Variants in SLC24A4 observed in about 807,000 individuals in gnomAD.
The protein encoded by SLC24A4 is solute carrier family 24 member 4.
Under a neutral mutation model 79.0 loss-of-function variants are expected in SLC24A4, and 53 were observed. The observed-to-expected ratio is 0.67, with a 90% CI of 0.54 to 0.84. The LOEUF (loss-of-function observed/expected upper bound fraction) is 0.84, where lower values mean the gene tolerates loss of function less well. Among genes scored for constraint, SLC24A4 ranks in the 40% least tolerant of loss-of-function variants. The pLI, the probability that SLC24A4 is intolerant of heterozygous loss-of-function variation, is 0.00. For synonymous variants in SLC24A4, 323 were observed against 323.8 expected (o/e 1.00, Z 0.03); for missense variants, 731 against 822.0 (o/e 0.89, Z 1.35).
At chr14:92,430,694 G>A (rs1891818003) in intron 2 of SLC24A4, among the ~76,000 whole-genome samples, 1 of 152,172 alleles carries the variant, frequency 6.6e-6, no homozygotes, top group Admixed American at 6.5e-5. Context: ...GGAGCAGCTG[G>A]CTTCCCTCCT....
At chr14:92,443,655 C>G (rs971732849) in intron 7 of SLC24A4, among the ~76,000 whole-genome samples, 181 bp downstream of exon 7, 2 of 152,204 alleles carry the variant, frequency 1.3e-5, no homozygotes, top group African/African-American at 4.8e-5. Context: ...CACTGTGCCT[C>G]CCTTTCCCCA....
At chr14:92,431,875 C>T (rs1346510371) in intron 2 of SLC24A4, among the ~76,000 whole-genome samples, 1 of 152,202 alleles carries the variant, frequency 6.6e-6, no homozygotes, top group Non-Finnish European at 1.5e-5. Context: ...GCGTGATTTC[C>T]ACTTGGCCAG....
chr14:92,425,772 G>T (rs1891529210), intron 2 of SLC24A4, among the ~76,000 whole-genome samples: 1 of 152,118 alleles, frequency 6.6e-6, no homozygotes, highest in Non-Finnish European at 1.5e-5. Context: ...TTGAGCCCAG[G>T]AGTTCAAGAC....
intron 2 of SLC24A4, among the ~76,000 whole-genome samples, chr14:92,347,772 C>G (rs745586404): frequency 6.6e-6 from 1 of 152,006 alleles, no homozygotes; most frequent in Non-Finnish European, 1.5e-5. Flanking sequence ...CCTAAAAATA[C>G]AAAAATTAGC....
intron 2 of SLC24A4, among the ~76,000 whole-genome samples, chr14:92,365,358 G>T (rs1887769693): frequency 6.6e-6 from 1 of 152,246 alleles, no homozygotes; most frequent in African/African-American, 2.4e-5. Context: ...CCATGGTCCT[G>T]GTCCTTGTTT....
At chr14:92,402,899 C>A (rs1566742045) in intron 2 of SLC24A4, among the ~76,000 whole-genome samples, 1 of 152,126 alleles carries the variant, frequency 6.6e-6, no homozygotes, top group East Asian at 1.9e-4. Flanking sequence ...TATCACATCC[C>A]AACAGAAGCA....
At chr14:92,411,750 A>ACG (rs1566747845) in intron 2 of SLC24A4, among the ~76,000 whole-genome samples, 173 of 152,132 alleles carry the variant, frequency 1.1e-3, no homozygotes, top group African/African-American at 3.9e-3. Context: ...GATTGAGCAC[A>ACG]TACTCTATAT....
chr14:92,384,039 G>A (rs970016364), intron 2 of SLC24A4, among the ~76,000 whole-genome samples: 6 of 152,156 alleles, frequency 3.9e-5, no homozygotes, highest in African/African-American at 1.2e-4. Flanking sequence ...GATATGAACC[G>A]AGTAAACACT....
At chr14:92,387,029 C>T (rs535678401) in intron 2 of SLC24A4, among the ~76,000 whole-genome samples, 10 of 151,654 alleles carry the variant, frequency 6.6e-5, no homozygotes, top group South Asian at 2.1e-4. Flanking sequence ...CCCTGGCTTC[C>T]GTGAGAATCT....
rs113569172 is a variant in SLC24A4 at position 92,418,598 on chromosome 14, G to A, written c.242-15314G>A. On this transcript the variant is annotated intron_variant, in intron 2 of 16. Transcript: ENST00000532405. ...ATCTGTATGCCAGGCCAGCAGATTC[G>A]AAACTCCCAGGCAAGAGCTAATGCT... Among the ~76,000 whole-genome samples the A allele has an allele frequency of 2.8e-3, 424 of 152,304 alleles. 7 individuals carry two copies. The East Asian group carries it at 0.034, about 12-fold the overall frequency.
chr14:92,360,536 T>C lies in SLC24A4; in HGVS notation c.241+34558T>C, dbSNP rs140752586. Reference sequence around the variant, plus strand: ...TTTGCAGTTAGATATTTGGTTTATGTCCTCTCTGGGGCTGATACCAATAAT... The same window carrying C: ...TTTGCAGTTAGATATTTGGTTTATGCCCTCTCTGGGGCTGATACCAATAAT... On this transcript the variant is annotated intron_variant, in intron 2 of 16. Coordinates refer to ENST00000532405, the MANE Select transcript of SLC24A4 (RefSeq NM_153646.4). 8.1e-3 allele frequency among the ~76,000 whole-genome samples: 1,235 copies of C among 152,364 alleles called. 7 individuals are homozygous for C. Among genetic ancestry groups the C allele is most frequent in the South Asian group, 0.013 (65 of 4,830 alleles).
At position 92,443,384 on chromosome 14, in the gene SLC24A4, G is replaced by C. The variant is rs73339529; in HGVS notation, c.583-16G>C. On this transcript the variant is annotated splice_polypyrimidine_tract_variant and intron_variant, in intron 6 of 16. Coordinates refer to ENST00000532405, the MANE Select transcript of SLC24A4 (RefSeq NM_153646.4). ...TTCTGCGCTCATAGCAGCCAACGAC[G>C]GGGCTCTGCTGGCAGGTGGTCCGTC... 2,478 of 1,613,894 alleles carry C rather than the reference G, an allele frequency of 1.5e-3. 41 individuals are homozygous for C. The African/African-American group carries it at 0.028, about 18-fold the overall frequency.
chr14:92,373,020 C>T lies in SLC24A4; in HGVS notation c.241+47042C>T, dbSNP rs868683682. Among the ~76,000 whole-genome samples the T allele has an allele frequency of 2.5e-4, 35 of 141,614 alleles. 1 individual carries two copies. Among genetic ancestry groups the T allele is most frequent in the East Asian group, 6.7e-4 (3 of 4,458 alleles). The allele number at this position is 141,614 out of a possible 152,430, so 92.9% of individuals were successfully genotyped here. On this transcript the variant is annotated intron_variant, in intron 2 of 16. Transcript: ENST00000532405. ...CTCTTCTTTCTTTCTTTCTTTCTTT[C>T]GAGATGGAGTCTTGCTCTGTTGCCC...
chr14:92,366,481 C>T (rs530138853), intron 2 of SLC24A4, among the ~76,000 whole-genome samples: 18 of 152,342 alleles, frequency 1.2e-4, no homozygotes, highest in African/African-American at 3.8e-4. Flanking sequence ...CAGGGATGAC[C>T]TTGCGTCCTG....
chr14:92,425,303 T>C (rs967457550), intron 2 of SLC24A4, among the ~76,000 whole-genome samples: 1 of 152,374 alleles, frequency 6.6e-6, no homozygotes, highest in Admixed American at 6.5e-5. Context: ...CAGCCCCTGC[T>C]GACTAATACA....
At chr14:92,394,791 C>A (rs113351853) in intron 2 of SLC24A4, among the ~76,000 whole-genome samples, 49 of 152,334 alleles carry the variant, frequency 3.2e-4, no homozygotes, top group African/African-American at 1.0e-3. Flanking sequence ...ACTACACATC[C>A]TATGGGATAT....
intron 2 of SLC24A4, among the ~76,000 whole-genome samples, chr14:92,395,432 A>AAC (rs60360408): frequency 0.2 from 28,665 of 144,662 alleles, 2,875 homozygotes; most frequent in East Asian, 0.3. Flanking sequence ...AACAAAACAA[A>AAC]ACACACACAC....
rs1333523510 is a variant in SLC24A4, at chr14:92,456,575, G to C, written c.1222G>C (p.Glu408Gln). Residue 408 changes from glutamate (E) to glutamine (Q), a missense_variant, in exon 12 of 17, where the codon GAG becomes CAG. Physicochemically the swap from Glu to Gln is conservative, Grantham distance 29. Coordinates refer to ENST00000532405, the MANE Select transcript of SLC24A4 (RefSeq NM_153646.4). ...QPPPPEPEPV[E>Q]ADFLSPFSVP... ...ACCACCGCCAGAGCCAGAGCCGGTG[G>C]AGGCTGACTTCCTGTCCCCCTTCTC... The C allele has an allele frequency of 3.1e-6, 5 of 1,613,926 alleles. No homozygotes were observed. The African/African-American group carries it at 5.3e-5, about 17-fold the overall frequency.
At chr14:92,386,092 G>C (rs942742758) in intron 2 of SLC24A4, among the ~76,000 whole-genome samples, 2 of 152,150 alleles carry the variant, frequency 1.3e-5, no homozygotes, top group Non-Finnish European at 2.9e-5. Context: ...TCAGAGGCAC[G>C]ATTTTCAGAC....
Sources: gnomAD v4.1 joint callset for allele counts (sites outside exome capture counted in the v4.1 genomes callset) on GRCh38, gnomAD v4.1.1 for gene constraint, MANE v1.5 for transcripts, NCBI Gene and HGNC (gene_info 2026-07-23, HGNC 2026-07-21) for gene names.